Variants in RWDD2B observed in about 807,000 individuals in gnomAD.
The protein encoded by RWDD2B is RWD domain-containing protein 2B.
RWDD2B carries 36 observed loss-of-function variants against 33.6 expected under a neutral mutation model. That is an observed-to-expected ratio of 1.07 (90% CI 0.82 to 1.42). RWDD2B has a LOEUF of 1.42. RWDD2B is among the 40% of genes most tolerant of loss of function. The pLI is 0.00. For missense variants in RWDD2B, 364 were observed against 377.5 expected (o/e 0.96, Z 0.30); for synonymous variants, 126 against 133.1 (o/e 0.95, Z 0.37).
chr21:29,013,417 C>T (rs760339423), intron 1 of RWDD2B, among the ~76,000 whole-genome samples: 29 of 152,156 alleles, frequency 1.9e-4, no homozygotes, highest in Admixed American at 7.2e-4. Context: ...AGGCCTGGCG[C>T]GGTAGCTCAC....
At chr21:29,012,846 G>A (rs1380387794) in intron 1 of RWDD2B, among the ~76,000 whole-genome samples, 1 of 151,350 alleles carries the variant, frequency 6.6e-6, no homozygotes, top group Non-Finnish European at 1.5e-5. Context: ...ATCCATCTGG[G>A]ATATACTTCA....
intron 1 of RWDD2B, among the ~76,000 whole-genome samples, chr21:29,013,688 C>CAAA (rs543309731): frequency 5.0e-5 from 3 of 59,552 alleles, no homozygotes; most frequent in Admixed American, 1.8e-4. Context: ...GACTCCGTCT[C>CAAA]AAAAAAAAAA....
At chr21:29,017,131 A>G (rs1211808616) in intron 1 of RWDD2B, among the ~76,000 whole-genome samples, 1 of 151,410 alleles carries the variant, frequency 6.6e-6, no homozygotes, top group Non-Finnish European at 1.5e-5. Context: ...CTGGGCTCCC[A>G]AAGTGCTGGG....
At chr21:29,010,130 T>C (rs1181180260) in intron 1 of RWDD2B, among the ~76,000 whole-genome samples, 1 of 152,198 alleles carries the variant, frequency 6.6e-6, no homozygotes, top group African/African-American at 2.4e-5. Flanking sequence ...ATATATAGTA[T>C]GGTAAACTGA....
At chr21:29,015,694 T>A (rs902204282) in intron 1 of RWDD2B, among the ~76,000 whole-genome samples, 1 of 152,022 alleles carries the variant, frequency 6.6e-6, no homozygotes, top group Non-Finnish European at 1.5e-5. Context: ...CACGCCCAGC[T>A]AATTTTTTGT....
Position 29,005,076 on chromosome 21 carries a change from A to G in RWDD2B, c.*1341T>C, listed in dbSNP as rs2084821881. On this transcript the variant is annotated 3_prime_UTR_variant, in exon 5 of 5. Coordinates refer to ENST00000493196, the MANE Select transcript of RWDD2B (RefSeq NM_016940.3). ...AAATGCTTTTGGAACTAACTGGTTT[A>G]TGGAGGTCCTCAAAAACTGGGTGGT... The G allele has an allele frequency of 6.6e-6, 1 of 152,242 alleles. No homozygotes were observed. Among genetic ancestry groups the G allele is most frequent in the Non-Finnish European group, 1.5e-5 (1 of 68,042 alleles). 9.4% of individuals were successfully genotyped at this position (152,242 alleles called of 1,614,324 possible).
At chr21:29,019,103 G>A in intron 1 of RWDD2B, 108 bp downstream of exon 1, 1 of 909,038 alleles carries the variant, frequency 1.1e-6, no homozygotes, top group Non-Finnish European at 1.7e-6. Flanking sequence ...GCAGTGAGGG[G>A]AACCGGGGCC....
chr21:29,013,088 C>T (rs2084872629), intron 1 of RWDD2B, among the ~76,000 whole-genome samples: 1 of 150,518 alleles, frequency 6.6e-6, no homozygotes, highest in African/African-American at 2.5e-5. Context: ...ACTCTGTCAC[C>T]CAGGCTGGAG....
chr21:29,019,117 A>G, intron 1 of RWDD2B, 94 bp downstream of exon 1: 2 of 1,068,822 alleles, frequency 1.9e-6, no homozygotes, highest in East Asian at 2.6e-5. Flanking sequence ...CGGGGCCGCC[A>G]TGCCGGGCAC....
Position 29,007,972 on chromosome 21 carries a change from A to G in RWDD2B, c.514T>C (p.Ser172Pro). 1 of 1,614,244 alleles carries G rather than the reference A, an allele frequency of 6.2e-7. No individual in the cohort carries two copies. The highest frequency in any genetic ancestry group is 1.3e-5 in the African/African-American group (1 of 75,072). The change falls in exon 4 of 5, where the codon TCT becomes CCT. Residue 172 changes from serine to proline, a missense_variant. Ser to Pro is a moderately conservative substitution (Grantham distance 74). Coordinates refer to ENST00000493196, the MANE Select transcript of RWDD2B (RefSeq NM_016940.3). ...ACTGTGCTTCCTGTGGTGGGTGAAGATGAAGTATCTCTGCTGACATAGCCA... is the reference window on the plus strand; with the variant it reads ...ACTGTGCTTCCTGTGGTGGGTGAAGGTGAAGTATCTCTGCTGACATAGCCA... ...ASGYVSRDTS[S>P]SPTTGSTVQS...
Position 29,007,409 on chromosome 21 carries a change from C to G in RWDD2B, c.725+352G>C, listed in dbSNP as rs1433515263. Among the ~76,000 whole-genome samples the G allele has an allele frequency of 2.6e-5, 4 of 152,230 alleles. No individual in the cohort carries two copies. In the East Asian group the frequency reaches 7.7e-4, roughly 29 times the overall value. On this transcript the variant is annotated intron_variant, in intron 4 of 4. Transcript: ENST00000493196. ...CCACATCTCTAATAGTCATGTGTTG[C>G]TTAACAACGGGGATACATTCTGAGA...
At chr21:29,015,232 T>TTTG (rs1555851684) in intron 1 of RWDD2B, among the ~76,000 whole-genome samples, 44 of 140,254 alleles carry the variant, frequency 3.1e-4, no homozygotes, top group Non-Finnish European at 5.7e-4. Flanking sequence ...GCGTTTTTTT[T>TTTG]TTTTTTTTTT....
chr21:29,012,089 G>C (rs1352335996), intron 1 of RWDD2B, among the ~76,000 whole-genome samples: 2 of 143,076 alleles, frequency 1.4e-5, no homozygotes, highest in Admixed American at 6.7e-5. Context: ...CCCTCTGCCC[G>C]GCCAGCCGCC....
At position 29,006,585 on chromosome 21, in the gene RWDD2B, T is replaced by G; in HGVS notation, c.792A>C (p.Thr264=). 1.2e-6 allele frequency: 2 copies of G among 1,614,040 alleles called. No homozygotes were observed. Among genetic ancestry groups the G allele is most frequent in the Non-Finnish European group, 1.7e-6 (2 of 1,179,908 alleles). ...TCCTTTGTCTTTCCGTTTCATCATT[T>G]GTACCATCAAAAGGAATGTCTTCTC... ...RHREDIPFDG[T]NDETERQRKF... Residue 264 remains threonine (T), a synonymous_variant, in exon 5 of 5, where the codon ACA becomes ACC. Coordinates refer to ENST00000493196, the MANE Select transcript of RWDD2B (RefSeq NM_016940.3).
chr21:29,012,355 G>A (rs1403275288), intron 1 of RWDD2B, among the ~76,000 whole-genome samples: 1 of 152,180 alleles, frequency 6.6e-6, no homozygotes, highest in East Asian at 1.9e-4. Flanking sequence ...GGAAAAGATT[G>A]AGAAATCGGA....
intron 1 of RWDD2B, 43 bp downstream of exon 1, chr21:29,019,168 C>G (rs371898558): frequency 1.3e-6 from 2 of 1,513,406 alleles, no homozygotes; most frequent in Non-Finnish European, 1.8e-6. Flanking sequence ...CGTGGGAAAC[C>G]CCCGTGGCGG....
rs1256339925 is a variant in RWDD2B at position 29,005,332 on chromosome 21, C to CT, written c.*1084dup. Reference sequence around the variant, plus strand: ...TATACAAAAAGTGGGGAACTGCAAACTCCACTTCAGAAAAACTTCACCTAT... The same window carrying CT: ...TATACAAAAAGTGGGGAACTGCAAACTTCCACTTCAGAAAAACTTCACCTAT... On this transcript the variant is annotated 3_prime_UTR_variant, in exon 5 of 5. Coordinates refer to ENST00000493196, the MANE Select transcript of RWDD2B (RefSeq NM_016940.3). 1 of 152,182 alleles carries CT rather than the reference C, an allele frequency of 6.6e-6. No individual in the cohort carries two copies. The highest frequency in any genetic ancestry group is 2.4e-5 in the African/African-American group (1 of 41,450). The allele number at this position is 152,182 out of a possible 1,614,324, so 9.4% of individuals were successfully genotyped here.
chr21:29,012,783 GTCT>G (rs996975269), intron 1 of RWDD2B, among the ~76,000 whole-genome samples: 5 of 149,994 alleles, frequency 3.3e-5, no homozygotes, highest in African/African-American at 1.2e-4. Flanking sequence ...AAAAAAAAAA[GTCT>G]TCTATTTTCT....
intron 1 of RWDD2B, among the ~76,000 whole-genome samples, chr21:29,018,725 T>C (rs2084901426): frequency 6.6e-6 from 1 of 152,210 alleles, no homozygotes; most frequent in African/African-American, 2.4e-5. Flanking sequence ...GCGCGATTGC[T>C]CACGCCTGTA....
Sources: allele counts gnomAD v4.1 joint callset (sites outside exome capture counted in the v4.1 genomes callset), GRCh38; gene constraint gnomAD v4.1.1; transcripts MANE v1.5; gene names NCBI Gene and HGNC (gene_info 2026-07-23, HGNC 2026-07-21).